GALNS: variants seen among roughly 807,000 people sequenced by gnomAD.
GALNS encodes N-acetylgalactosamine-6-sulfatase.
GALNS carries 65 observed loss-of-function variants against 65.9 expected under a neutral mutation model. That is an observed-to-expected ratio of 0.99 (90% CI 0.81 to 1.21). The LOEUF is 1.21. Ranked by LOEUF, GALNS falls within the 50% of genes most tolerant of loss-of-function variation. The pLI is 0.00. For synonymous variants in GALNS, 346 were observed against 288.9 expected, an observed-to-expected ratio of 1.20 and a Z score of -2.00; for missense variants, 776 against 700.7, an observed-to-expected ratio of 1.11 and a Z score of -1.21.
intron 8 of GALNS, 60 bp from the exon 9 acceptor site, chr16:88,832,161 C>A: frequency 7.1e-7 from 1 of 1,415,506 alleles, no homozygotes; most frequent in Non-Finnish European, 9.9e-7. Flanking sequence ...CCCTCCCCCT[C>A]CCTCCCCACT....
chr16:88,839,116 C>A (rs1220410736), intron 4 of GALNS, among the ~76,000 whole-genome samples: 1 of 152,006 alleles, frequency 6.6e-6, no homozygotes, highest in Non-Finnish European at 1.5e-5. Flanking sequence ...CGTCCACGTC[C>A]GCAGGTCACC....
Position 88,826,801 on chromosome 16 carries a change from G to A in GALNS, c.1040C>T (p.Thr347Ile), listed in dbSNP as rs1567521848. Residue 347 changes from threonine to isoleucine, a missense_variant, in exon 10 of 14, where the codon ACC becomes ATC. By Grantham distance (89) the Thr-to-Ile change is moderately conservative. Coordinates refer to ENST00000268695, the MANE Select transcript of GALNS (RefSeq NM_000512.5). ...CAGGCCCGCAAGGGCCAGGCTGGTG[G>A]TGAAGAGGTCCATGATGCTGCCCAG... ...HQLGSIMDLF[T>I]TSLALAGLTP... 1.9e-6 allele frequency: 3 copies of A among 1,597,212 alleles called. No homozygotes were observed. Among genetic ancestry groups the A allele is most frequent in the East Asian group, 2.3e-5 (1 of 44,052 alleles).
intron 8 of GALNS, 55 bp from the exon 9 acceptor site, chr16:88,832,156 C>T (rs1567527141): frequency 7.6e-6 from 11 of 1,439,282 alleles, no homozygotes; most frequent in Non-Finnish European, 1.1e-5. Flanking sequence ...CCAGGCCCTC[C>T]CCCTCCCTCC....
chr16:88,853,549 GC>G (rs1838797647), intron 1 of GALNS, among the ~76,000 whole-genome samples: 1 of 152,186 alleles, frequency 6.6e-6, no homozygotes, highest in African/African-American at 2.4e-5. Flanking sequence ...TGTGGTCAGG[GC>G]TGACCCTCCT....
chr16:88,821,998 AAAAAG>A (rs147774150), intron 12 of GALNS, among the ~76,000 whole-genome samples: 2,953 of 152,136 alleles, frequency 0.019, 76 homozygotes, highest in African/African-American at 0.068. Context: ...TCGGACAAAA[AAAAAG>A]GAAGCCAGGG....
chr16:88,852,360 G>A (rs901999750), intron 1 of GALNS, among the ~76,000 whole-genome samples: 2 of 152,142 alleles, frequency 1.3e-5, no homozygotes, highest in African/African-American at 2.4e-5. Flanking sequence ...GGACATCTAC[G>A]CCAAAACCCC....
chr16:88,842,040 A>G, intron 2 of GALNS, 69 bp from the exon 3 acceptor site: 1 of 1,355,730 alleles, frequency 7.4e-7, no homozygotes, highest in Non-Finnish European at 1.0e-6. Flanking sequence ...CGTCAACAAG[A>G]GCCCCAACGA....
In GALNS at chr16:88,828,992, G is replaced by C. The variant is rs1311588861; in HGVS notation, c.1003-2154C>G. Among the ~76,000 whole-genome samples, 3 of 97,324 alleles carry C rather than the reference G, an allele frequency of 3.1e-5. No homozygotes were observed. The Admixed American group carries it at 3.3e-4, about 11-fold the overall frequency. 63.8% of individuals were successfully genotyped at this position (97,324 alleles called of 152,430 possible). On this transcript the variant is annotated intron_variant, in intron 9 of 13. Coordinates refer to ENST00000268695, the MANE Select transcript of GALNS (RefSeq NM_000512.5). ...TCTCCCAGACCTACGCGGGTCCCGG[G>C]TCTCACGCCATCGTCTCCCAGACCT... is the stretch of plus-strand genomic sequence containing the variant.
rs761795179 is a variant in GALNS at position 88,856,926 on chromosome 16, G to C, written c.-49C>G. 354 of 1,479,666 alleles carry C rather than the reference G, an allele frequency of 2.4e-4. 1 individual carries two copies. The highest frequency in any genetic ancestry group is 2.9e-4 in the Non-Finnish European group (331 of 1,123,516). 91.7% of individuals were successfully genotyped at this position (1,479,666 alleles called of 1,614,324 possible). ...CCCGGCCAGCGAGCCGACCTAGCGAGCGTCCGCCGGCCCTTCCGGCTGGGC... is the reference window on the plus strand; with the variant it reads ...CCCGGCCAGCGAGCCGACCTAGCGACCGTCCGCCGGCCCTTCCGGCTGGGC... On this transcript the variant is annotated 5_prime_UTR_variant, in exon 1 of 14. Transcript: ENST00000268695.
intron 1 of GALNS, among the ~76,000 whole-genome samples, chr16:88,849,651 T>A (rs1967415311): frequency 6.6e-6 from 1 of 152,144 alleles, no homozygotes; most frequent in African/African-American, 2.4e-5. Context: ...TTGAGTGAAC[T>A]GAGCTCAAGC....
In GALNS at chr16:88,814,172, C is replaced by A. The variant is rs938575327; in HGVS notation, c.*267G>T. The A allele has an allele frequency of 8.0e-5, 45 of 559,396 alleles. No individual in the cohort carries two copies. The highest frequency in any genetic ancestry group is 7.5e-4 in the African/African-American group (40 of 53,098). The allele number at this position is 559,396 out of a possible 1,614,324, so 34.7% of individuals were successfully genotyped here. A position where few individuals can be genotyped will look rare whatever the true frequency, so the allele number is the denominator to read the frequency against. On this transcript the variant is annotated 3_prime_UTR_variant, in exon 14 of 14. Coordinates refer to ENST00000268695, the MANE Select transcript of GALNS (RefSeq NM_000512.5). ...CTCAGATATTTGGGGTTCACAAAGG[C>A]GTGAGACGGCAGGGTCCTGAGGTCT...
At chr16:88,821,898 C>A (rs1490370472) in intron 12 of GALNS, among the ~76,000 whole-genome samples, 1 of 152,142 alleles carries the variant, frequency 6.6e-6, no homozygotes. Flanking sequence ...CCCCAGGACC[C>A]CCAGGCCAGG....
At chr16:88,843,447 G>C in intron 1 of GALNS, 1 of 349,792 alleles carries the variant, frequency 2.9e-6, no homozygotes, top group East Asian at 7.5e-5. Flanking sequence ...ATCGGCAGAC[G>C]ACAAAGTGCG....
chr16:88,815,090 C>T (rs1410813109), intron 13 of GALNS: 1 of 985,348 alleles, frequency 1.0e-6, no homozygotes, highest in Non-Finnish European at 1.2e-6. Flanking sequence ...ACCAATTGGC[C>T]TCAGTGTGGG....
At chr16:88,854,592 C>A (rs1048761028) in intron 1 of GALNS, among the ~76,000 whole-genome samples, 4 of 152,204 alleles carry the variant, frequency 2.6e-5, no homozygotes, top group Non-Finnish European at 2.9e-5. Flanking sequence ...GTGTGCTTGG[C>A]GCAGGGCTGA....
rs747592738 is a variant in GALNS at position 88,856,874 on chromosome 16, C to T, written c.4G>A (p.Ala2Thr). 2.7e-6 allele frequency: 4 copies of T among 1,508,764 alleles called. No homozygotes were observed. The highest frequency in any genetic ancestry group is 2.7e-5 in the East Asian group (1 of 36,994). 93.5% of individuals were successfully genotyped at this position (1,508,764 alleles called of 1,614,324 possible). Residue 2 changes from alanine to threonine, a missense_variant, in exon 1 of 14, where the codon GCG (alanine) becomes ACG (threonine). Transcript: ENST00000268695. Reference protein sequence around the residue: MAAVVAATRWWQ... With the variant: MTAVVAATRWWQ... ...CACCTCGTCGCCGCGACAACCGCCG[C>T]CATGGCAACCACGGGAGCCGCGGAG...
At chr16:88,850,771 G>A (rs1416537593) in intron 1 of GALNS, among the ~76,000 whole-genome samples, 3 of 152,244 alleles carry the variant, frequency 2.0e-5, no homozygotes, top group Admixed American at 6.5e-5. Flanking sequence ...GAAGCTGTGC[G>A]AGACTCAGTT....
intron 12 of GALNS, among the ~76,000 whole-genome samples, chr16:88,822,112 G>C (rs571522848): frequency 6.6e-6 from 1 of 152,198 alleles, no homozygotes; most frequent in South Asian, 2.1e-4. Flanking sequence ...AGACTCCTGA[G>C]GGTAAGGGGA....
At chr16:88,851,096 C>T (rs555862359) in intron 1 of GALNS, among the ~76,000 whole-genome samples, 8 of 152,250 alleles carry the variant, frequency 5.3e-5, no homozygotes, top group South Asian at 4.1e-4. Context: ...TATTTATCGG[C>T]GCCTTTCTTG....
Sources: gnomAD v4.1 joint callset for allele counts (sites outside exome capture counted in the v4.1 genomes callset) on GRCh38, gnomAD v4.1.1 for gene constraint, MANE v1.5 for transcripts, NCBI Gene and HGNC (gene_info 2026-07-23, HGNC 2026-07-21) for gene names.